LRRC74B: variants seen among roughly 807,000 people sequenced by gnomAD.
The protein encoded by LRRC74B is leucine-rich repeat-containing protein 74B.
In LRRC74B, 30 loss-of-function variants were observed where a neutral mutation model predicts 16.6. That is an observed-to-expected ratio of 1.80 (90% confidence interval 1.35 to 2.45). The LOEUF is 2.45. Among genes scored for constraint, LRRC74B ranks in the 30% most tolerant of loss-of-function variants. The probability of loss-of-function intolerance (pLI) is 0.00; values close to 1 mark genes in which losing one functional copy is unlikely to be tolerated. For synonymous variants in LRRC74B, 134 were observed against 86.0 expected (o/e 1.56, Z -3.09); for missense variants, 326 against 202.4 (o/e 1.61, Z -3.71).
chr22:21,061,501 A>G (rs180734874), downstream of LRRC74B, among the ~76,000 whole-genome samples: 2,725 of 152,284 alleles, frequency 0.018, 72 homozygotes, highest in African/African-American at 0.062. Context: ...ATTGGGAAGA[A>G]AAAAATCACA....
chr22:21,050,303 G>A (rs1929907407), intron 4 of LRRC74B, among the ~76,000 whole-genome samples: 1 of 150,922 alleles, frequency 6.6e-6, no homozygotes, highest in East Asian at 2.0e-4. Flanking sequence ...CCAAAGTGCT[G>A]CGATTACAGG....
chr22:21,055,993 G>A (rs935320167), intron 7 of LRRC74B, among the ~76,000 whole-genome samples: 4 of 152,116 alleles, frequency 2.6e-5, no homozygotes, highest in Admixed American at 2.0e-4. Context: ...GAGCCTGCCT[G>A]CCCCTCCCTT....
intron 7 of LRRC74B, among the ~76,000 whole-genome samples, chr22:21,056,353 T>G (rs1930515457): frequency 6.6e-6 from 1 of 151,848 alleles, no homozygotes; most frequent in Non-Finnish European, 1.5e-5. Context: ...AACAAAAAGA[T>G]GAGCCAGATG....
At chr22:21,060,492 C>T in exon 9 of LRRC74B, 3 of 716,016 alleles carry the variant, frequency 4.2e-6, no homozygotes, top group Non-Finnish European at 5.2e-6. Context: ...TGCTGCCAGT[C>T]TTCAGATCAG....
At chr22:21,056,092 C>G (rs186040889) in intron 7 of LRRC74B, among the ~76,000 whole-genome samples, 1 of 152,264 alleles carries the variant, frequency 6.6e-6, no homozygotes, top group East Asian at 1.9e-4. Context: ...TGTGAACTTG[C>G]GGGATTCCTG....
chr22:21,047,494 C>A, exon 2 of LRRC74B: 1 of 717,368 alleles, frequency 1.4e-6, no homozygotes, highest in Non-Finnish European at 2.6e-6. Context: ...GGCCTGGGGC[C>A]CCAGGTACCA....
intron 8 of LRRC74B, among the ~76,000 whole-genome samples, chr22:21,060,120 T>A (rs576304121): frequency 6.6e-6 from 1 of 152,102 alleles, no homozygotes; most frequent in Non-Finnish European, 1.5e-5. Flanking sequence ...AAGTGAGCTA[T>A]GATTGAGCCA....
intron 6 of LRRC74B, among the ~76,000 whole-genome samples, chr22:21,054,557 C>G (rs1569199682): frequency 6.6e-6 from 1 of 152,178 alleles, no homozygotes; most frequent in Non-Finnish European, 1.5e-5. Flanking sequence ...AAGAAGGCCC[C>G]ACTCAATCCT....
intron 2 of LRRC74B, 22 bp downstream of exon 2, chr22:21,047,520 A>G (rs1227997149): frequency 2.8e-6 from 2 of 716,708 alleles, no homozygotes; most frequent in African/African-American, 3.5e-5. Context: ...GGGACACTGT[A>G]TCCAGGCTTA....
intron 4 of LRRC74B, among the ~76,000 whole-genome samples, chr22:21,049,982 C>G (rs1459812121): frequency 6.6e-6 from 1 of 152,166 alleles, no homozygotes; most frequent in Non-Finnish European, 1.5e-5. Context: ...GAACCAAACT[C>G]TTAGGGGAAT....
chr22:21,063,738 G>A (rs1007545029), downstream of LRRC74B: 1 of 152,212 alleles, frequency 6.6e-6, no homozygotes, highest in Admixed American at 6.6e-5. Flanking sequence ...TCTTTGGGAG[G>A]CTGAAGTGGG....
At chr22:21,050,820 C>G (rs1929969630) in intron 4 of LRRC74B, among the ~76,000 whole-genome samples, 1 of 148,566 alleles carries the variant, frequency 6.7e-6, no homozygotes, top group Non-Finnish European at 1.5e-5. Context: ...TGGCAAGGCA[C>G]TGTGCCTATC....
intron 4 of LRRC74B, among the ~76,000 whole-genome samples, chr22:21,051,747 T>C (rs1282043095): frequency 6.6e-6 from 1 of 152,166 alleles, no homozygotes; most frequent in Non-Finnish European, 1.5e-5. Flanking sequence ...CAAGTGCCCA[T>C]TACTCCTTCC....
At chr22:21,057,468 T>A (rs1024619844) in intron 8 of LRRC74B, among the ~76,000 whole-genome samples, 2 of 151,454 alleles carry the variant, frequency 1.3e-5, no homozygotes, top group African/African-American at 4.9e-5. Flanking sequence ...GGTCTGGGCA[T>A]GATGCTCCCT....
chr22:21,047,312 T>G, intron 1 of LRRC74B, 44 bp from the exon 2 acceptor site: 2 of 706,324 alleles, frequency 2.8e-6, no homozygotes, highest in Non-Finnish European at 5.3e-6. Flanking sequence ...CACAGGTGGC[T>G]GTAGCTGTGC....
chr22:21,056,134 G>A (rs1930502908), intron 7 of LRRC74B, among the ~76,000 whole-genome samples: 1 of 152,170 alleles, frequency 6.6e-6, no homozygotes, highest in Non-Finnish European at 1.5e-5. Context: ...CTGCTACCCA[G>A]GACCAGAAAC....
intron 7 of LRRC74B, 83 bp downstream of exon 7, chr22:21,055,259 C>A (rs1206369945): frequency 3.0e-6 from 2 of 673,496 alleles, no homozygotes. Context: ...ACAGCCCCCA[C>A]CCAGGGGCAG....
At chr22:21,056,732 C>G (rs1930552946) in intron 7 of LRRC74B, 1 of 244,246 alleles carries the variant, frequency 4.1e-6, no homozygotes, top group Admixed American at 5.2e-5. Flanking sequence ...TCCGCTGAGC[C>G]CTGCCCAGAT....
chr22:21,054,477 C>T (rs933702962), intron 6 of LRRC74B, among the ~76,000 whole-genome samples: 4 of 152,334 alleles, frequency 2.6e-5, no homozygotes, highest in East Asian at 1.9e-4. Flanking sequence ...AGGGAGGTCA[C>T]GGGCCAGAGG....
Sources: gnomAD v4.1 joint callset for allele counts (sites outside exome capture counted in the v4.1 genomes callset) on GRCh38, gnomAD v4.1.1 for gene constraint, MANE v1.5 for transcripts, NCBI Gene and HGNC (gene_info 2026-07-23, HGNC 2026-07-21) for gene names.